The following CCDC66 variants were observed in gnomAD, a reference collection of about 807,000 sequenced individuals.
CCDC66 encodes coiled-coil domain-containing protein 66.
CCDC66 carries 133 observed loss-of-function variants against 128.3 expected under a neutral mutation model. The observed-to-expected ratio is 1.04, with a 90% confidence interval of 0.90 to 1.20. CCDC66 has a LOEUF of 1.20. Among genes scored for constraint, CCDC66 ranks in the 50% most tolerant of loss-of-function variants. The pLI is 0.00. For synonymous variants in CCDC66, 387 were observed against 357.0 expected (o/e 1.08, Z -0.95); for missense variants, 1,126 against 1,075.5 (o/e 1.05, Z -0.66).
intron 7 of CCDC66, among the ~76,000 whole-genome samples, chr3:56,573,702 G>GTGGAGATTCCTTAAAGAACTAAAAGTTA (rs2066944033): frequency 3.3e-5 from 5 of 151,902 alleles, no homozygotes; most frequent in East Asian, 4.0e-4. Context: ...ATCTTCTGAA[G>GTGGAGATTCCTTAAAGAACTAAAAGTTA]GGCTGGTTTC....
At chr3:56,582,590 A>G (rs1473618090) in intron 7 of CCDC66, among the ~76,000 whole-genome samples, 1 of 151,832 alleles carries the variant, frequency 6.6e-6, no homozygotes, top group Non-Finnish European at 1.5e-5. Context: ...ATAGATTAGT[A>G]TGTAGAAACA....
chr3:56,590,121 G>A (rs982041049), intron 7 of CCDC66, among the ~76,000 whole-genome samples: 2 of 152,100 alleles, frequency 1.3e-5, no homozygotes, highest in Non-Finnish European at 1.5e-5. Context: ...AGACAAGGTC[G>A]GCAGGTGGAT....
At chr3:56,560,439 A>T (rs537200254) in intron 3 of CCDC66, among the ~76,000 whole-genome samples, 95 of 152,198 alleles carry the variant, frequency 6.2e-4, no homozygotes, top group Middle Eastern at 3.4e-3. Context: ...CATTTAAAAA[A>T]TTTTTTTGAG....
chr3:56,563,989 C>T lies in CCDC66; in HGVS notation c.408C>T (p.His136=). 1 of 1,613,926 alleles carries T rather than the reference C, an allele frequency of 6.2e-7. No individual in the cohort carries two copies. The change falls in exon 4 of 18, where the codon CAC becomes CAT. Residue 136 remains histidine, a synonymous_variant. Coordinates refer to ENST00000394672, the MANE Select transcript of CCDC66 (RefSeq NM_001141947.3). ...NTSLVGKQKP[H]KKHITAENMK... ...CTCTAGTAGGTAAACAGAAGCCTCA[C>T]AAAAAACACATCACAGCTGAAAACA...
chr3:56,613,769 AT>A lies in CCDC66; in HGVS notation c.1566+21del, dbSNP rs779082212. On this transcript the variant is annotated intron_variant, in intron 11 of 17. Coordinates refer to ENST00000394672, the MANE Select transcript of CCDC66 (RefSeq NM_001141947.3). ...AAAGGAAGTAGGTACTTACATTCTA[AT>A]TGTAACTTTGGTTTTTGTTTGTGTT... The A allele has an allele frequency of 5.0e-6, 8 of 1,591,736 alleles. No homozygotes were observed. The East Asian group carries it at 1.8e-4, about 36-fold the overall frequency.
At position 56,593,602 on chromosome 3, in the gene CCDC66, G is replaced by A. The variant is rs969319578; in HGVS notation, c.1180G>A (p.Val394Ile). The change falls in exon 9 of 18, where the codon GTC becomes ATC. Residue 394 changes from valine (V) to isoleucine (I), a missense_variant. Val to Ile is a conservative substitution (Grantham distance 29, BLOSUM62 3). Transcript: ENST00000394672. Reference protein sequence around the residue: ...STHKQPEYFCVSPDTQELADV... With the variant: ...STHKQPEYFCISPDTQELADV... Reference sequence around the variant, plus strand: ...ACACAAACAACCTGAGTACTTCTGTGTCTCTCCTGACACTCAGGAGCTGGC... The same window carrying A: ...ACACAAACAACCTGAGTACTTCTGTATCTCTCCTGACACTCAGGAGCTGGC... 2 of 1,614,040 alleles carry A rather than the reference G, an allele frequency of 1.2e-6. No homozygotes were observed. The highest frequency in any genetic ancestry group is 2.2e-5 in the East Asian group (1 of 44,894).
rs559191599 is a variant in CCDC66, at chr3:56,604,725, A to G, written c.1405-8864A>G. 8.9e-4 allele frequency among the ~76,000 whole-genome samples: 135 copies of G among 150,966 alleles called. 3 individuals carry two copies. The South Asian group carries it at 0.028, about 31-fold the overall frequency. Reference sequence around the variant, plus strand: ...GGCTGCCCTTAACATTTTTTCCTCCATTTCAGTCTTGGTGAATCTGATGAT... The same window carrying G: ...GGCTGCCCTTAACATTTTTTCCTCCGTTTCAGTCTTGGTGAATCTGATGAT... On this transcript the variant is annotated intron_variant, in intron 10 of 17. Coordinates refer to ENST00000394672, the MANE Select transcript of CCDC66 (RefSeq NM_001141947.3).
chr3:56,581,577 G>A (rs979376899), intron 7 of CCDC66, among the ~76,000 whole-genome samples: 3 of 151,798 alleles, frequency 2.0e-5, no homozygotes, highest in South Asian at 2.1e-4. Flanking sequence ...TGATGGTGAC[G>A]TACAGATGGG....
rs1212163132 is a variant in CCDC66, at chr3:56,572,273, G to A, written c.936+971G>A. ...CTTTTGTGATTTTTAAATTTTATCT[G>A]TGGTTAATTTTGGGTAAAGAAACAG... On this transcript the variant is annotated intron_variant, in intron 7 of 17. Transcript: ENST00000394672. The A allele has an allele frequency of 1.8e-5, 17 of 924,182 alleles. No homozygotes were observed. The Admixed American group carries it at 4.0e-4, about 22-fold the overall frequency. The allele number at this position is 924,182 out of a possible 1,614,324, so 57.2% of individuals were successfully genotyped here.
chr3:56,618,355 T>TTAAGGGA (rs1203263854), intron 15 of CCDC66, 143 bp downstream of exon 15: 1 of 721,934 alleles, frequency 1.4e-6, no homozygotes, highest in Admixed American at 2.6e-5. Context: ...GGTTAGAGGT[T>TTAAGGGA]TAAGGGATAG....
chr3:56,558,336 C>T (rs952553178), intron 1 of CCDC66, among the ~76,000 whole-genome samples: 5 of 152,162 alleles, frequency 3.3e-5, no homozygotes, highest in Admixed American at 2.6e-4. Flanking sequence ...ACGTATAAAG[C>T]ACCATACTAA....
At chr3:56,574,013 G>C (rs922573280) in intron 7 of CCDC66, among the ~76,000 whole-genome samples, 1 of 151,702 alleles carries the variant, frequency 6.6e-6, no homozygotes, top group Non-Finnish European at 1.5e-5. Flanking sequence ...CTATATCCAG[G>C]ACTGGACAAC....
intron 4 of CCDC66, 145 bp from the exon 5 acceptor site, chr3:56,566,449 G>A (rs2065873959): frequency 1.9e-6 from 1 of 519,914 alleles, no homozygotes; most frequent in Non-Finnish European, 3.3e-6. Context: ...TTGACAGGAA[G>A]GGAAACTTAA....
intron 11 of CCDC66, among the ~76,000 whole-genome samples, chr3:56,614,498 G>A (rs529958652): frequency 6.6e-6 from 1 of 152,268 alleles, no homozygotes; most frequent in South Asian, 2.1e-4. Context: ...TGTGTTAAAT[G>A]GCCTTTTTAA....
chr3:56,563,225 G>A (rs2065341813), intron 3 of CCDC66, among the ~76,000 whole-genome samples: 2 of 151,922 alleles, frequency 1.3e-5, no homozygotes, highest in South Asian at 4.2e-4. Flanking sequence ...GCCAGGCTTG[G>A]TGGTGGGCAC....
intron 6 of CCDC66, chr3:56,570,531 C>T (rs1374846436): frequency 2.6e-5 from 4 of 154,598 alleles, no homozygotes; most frequent in Non-Finnish European, 5.7e-5. Flanking sequence ...GCAGGTGGAT[C>T]ACAAGGTCAG....
intron 7 of CCDC66, 38 bp from the exon 8 acceptor site, chr3:56,592,932 G>A (rs200915722): frequency 6.3e-7 from 1 of 1,592,830 alleles, no homozygotes; most frequent in Non-Finnish European, 8.5e-7. Flanking sequence ...TAGAAAAAGA[G>A]AACTGAACTT....
chr3:56,589,621 T>C (rs1176388326), intron 7 of CCDC66, among the ~76,000 whole-genome samples: 4 of 152,158 alleles, frequency 2.6e-5, no homozygotes, highest in African/African-American at 9.7e-5. Context: ...CAAGAATTAA[T>C]GTACCAGTGT....
chr3:56,567,504 T>C (rs1446367853), intron 6 of CCDC66, among the ~76,000 whole-genome samples: 1 of 152,170 alleles, frequency 6.6e-6, no homozygotes, highest in Non-Finnish European at 1.5e-5. Flanking sequence ...GGCAAATTAA[T>C]AAAAGGCATA....
Sources: gnomAD v4.1 joint callset for allele counts (sites outside exome capture counted in the v4.1 genomes callset) on GRCh38, gnomAD v4.1.1 for gene constraint, MANE v1.5 for transcripts, NCBI Gene and HGNC (gene_info 2026-07-23, HGNC 2026-07-21) for gene names.